Variants in GKAP1 observed in about 807,000 individuals in gnomAD.
GKAP1 encodes the protein G kinase-anchoring protein 1.
A neutral mutation model predicts 56.7 loss-of-function variants in GKAP1; 31 were observed. The observed-to-expected ratio is 0.55, with a 90% CI of 0.41 to 0.74. The LOEUF is 0.74. GKAP1 is among the 30% of genes least tolerant of loss of function. The pLI is 0.00. For synonymous variants in GKAP1, 151 were observed against 138.6 expected, an observed-to-expected ratio of 1.09 and a Z score of -0.63; for missense variants, 364 against 402.3, an observed-to-expected ratio of 0.90 and a Z score of 0.82.
intron 2 of GKAP1, among the ~76,000 whole-genome samples, chr9:83,814,589 C>G (rs556176684): frequency 6.6e-6 from 1 of 152,312 alleles, no homozygotes; most frequent in South Asian, 2.1e-4. Flanking sequence ...GAGTTTCTAT[C>G]CCTTACAAAT....
chr9:83,766,346 T>C (rs895303067), intron 8 of GKAP1, among the ~76,000 whole-genome samples: 1 of 152,178 alleles, frequency 6.6e-6, no homozygotes, highest in African/African-American at 2.4e-5. Flanking sequence ...AGCATGAGAA[T>C]GGACTAATAC....
chr9:83,793,580 G>A (rs78330538), intron 4 of GKAP1, among the ~76,000 whole-genome samples: 1,547 of 152,188 alleles, frequency 0.01, 26 homozygotes, highest in African/African-American at 0.035. Context: ...TATTTTTGTT[G>A]TATGCTTTAT....
chr9:83,778,640 C>G (rs1182909280), intron 7 of GKAP1, among the ~76,000 whole-genome samples: 2 of 151,888 alleles, frequency 1.3e-5, no homozygotes, highest in African/African-American at 4.8e-5. Flanking sequence ...TAACAAACCA[C>G]CGTGACCAAA....
intron 3 of GKAP1, among the ~76,000 whole-genome samples, chr9:83,801,661 G>T (rs970874761): frequency 6.6e-6 from 1 of 152,188 alleles, no homozygotes; most frequent in Admixed American, 6.5e-5. Context: ...AAGGCTTATA[G>T]AACTGCAAAT....
chr9:83,762,594 A>C (rs1226121502), intron 8 of GKAP1, among the ~76,000 whole-genome samples: 1 of 152,170 alleles, frequency 6.6e-6, no homozygotes, highest in Non-Finnish European at 1.5e-5. Context: ...CTAGCCAAAG[A>C]TATCTTAAGC....
chr9:83,755,927 C>T (rs1943467590), intron 8 of GKAP1, among the ~76,000 whole-genome samples: 1 of 151,428 alleles, frequency 6.6e-6, no homozygotes, highest in Admixed American at 6.6e-5. Flanking sequence ...GCCTCAGTCT[C>T]CCAAGTAGCT....
intron 8 of GKAP1, among the ~76,000 whole-genome samples, chr9:83,755,906 G>C (rs1943467128): frequency 6.7e-6 from 1 of 149,612 alleles, no homozygotes; most frequent in African/African-American, 2.5e-5. Context: ...CCAGGTTCAA[G>C]TGATTCTCCT....
chr9:83,799,458 C>CA (rs1446531122), intron 3 of GKAP1, 130 bp from the exon 4 acceptor site: 1 of 619,520 alleles, frequency 1.6e-6, no homozygotes, highest in Non-Finnish European at 2.7e-6. Flanking sequence ...CTAACTCACA[C>CA]AGCTAAAGTT....
chr9:83,761,962 A>G (rs1943579947), intron 8 of GKAP1, among the ~76,000 whole-genome samples: 1 of 149,962 alleles, frequency 6.7e-6, no homozygotes, highest in Admixed American at 6.8e-5. Context: ...CTGGATGGGG[A>G]AAAACTGAAA....
intron 9 of GKAP1, 129 bp downstream of exon 9, chr9:83,753,129 T>G (rs1943420888): frequency 3.4e-6 from 2 of 596,002 alleles, no homozygotes; most frequent in African/African-American, 1.9e-5. Flanking sequence ...CATTAAAGAG[T>G]TTAAGAACAT....
chr9:83,746,720 A>C (rs1430303080), intron 10 of GKAP1, among the ~76,000 whole-genome samples: 2 of 104,108 alleles, frequency 1.9e-5, no homozygotes, highest in Non-Finnish European at 4.6e-5. Flanking sequence ...AATAAATAAC[A>C]ATTTAAAAAA....
At chr9:83,776,892 C>T (rs923350971) in intron 7 of GKAP1, among the ~76,000 whole-genome samples, 30 of 150,494 alleles carry the variant, frequency 2.0e-4, no homozygotes, top group African/African-American at 5.8e-4. Flanking sequence ...TATTTGTCCA[C>T]GCTCATAATC....
chr9:83,799,241 C>T lies in GKAP1; in HGVS notation c.304G>A (p.Val102Ile). 1.2e-6 allele frequency: 2 copies of T among 1,611,712 alleles called. No individual in the cohort carries two copies. Among genetic ancestry groups the T allele is most frequent in the Non-Finnish European group, 1.7e-6 (2 of 1,179,218 alleles). ...TTTTCTTCTCGTGAATCCTTCTGTA[C>T]TGGGTTTGACAATGGAAGATCATGT... ...AQHDLPLSNP[V>I]QKDSREENWQ... The change falls in exon 4 of 13, where the codon GTA (valine) becomes ATA (isoleucine). Residue 102 changes from valine (V) to isoleucine (I), a missense_variant. By Grantham distance (29) the Val-to-Ile change is conservative (BLOSUM62 3). Transcript: ENST00000376371.
At position 83,753,268 on chromosome 9, in the gene GKAP1, G is replaced by A. The variant is rs975861686; in HGVS notation, c.830C>T (p.Thr277Ile). Residue 277 changes from threonine (T) to isoleucine (I), a missense_variant, in exon 9 of 13, where the codon ACT becomes ATT. Transcript: ENST00000376371. ...AEIQKLKNVI[T>I]QWEAKYKEVK... ...TAAATGGACACAAACCTCCCATTGA[G>A]TGATTACATTTTTCAGCTTCTGGAT... The A allele has an allele frequency of 6.3e-7, 1 of 1,590,030 alleles. No homozygotes were observed. Among genetic ancestry groups the A allele is most frequent in the Admixed American group, 1.7e-5 (1 of 59,836 alleles).
At chr9:83,743,371 G>A (rs1423308654) in intron 10 of GKAP1, among the ~76,000 whole-genome samples, 10 of 151,952 alleles carry the variant, frequency 6.6e-5, no homozygotes, top group Non-Finnish European at 1.3e-4. Flanking sequence ...GAGGCAGGCA[G>A]ATCACCTGAG....
chr9:83,788,667 T>C lies in GKAP1; in HGVS notation c.372A>G (p.Glu124=), dbSNP rs1218154558. ...WRQRDEQLTS[E]MFEADLEKAL... Reference sequence around the variant, plus strand: ...CCTTCTCAAGATCTGCTTCAAACATTTCAGATGTCAGCTACAAAAAAAAAG... The same window carrying C: ...CCTTCTCAAGATCTGCTTCAAACATCTCAGATGTCAGCTACAAAAAAAAAG... The change falls in exon 5 of 13, where the codon GAA becomes GAG. Residue 124 remains glutamate (E), a synonymous_variant. Transcript: ENST00000376371. The C allele has an allele frequency of 6.2e-7, 1 of 1,603,854 alleles. No homozygotes were observed. The highest frequency in any genetic ancestry group is 1.7e-5 in the Admixed American group (1 of 59,306).
At chr9:83,746,712 T>C (rs1943301280) in intron 10 of GKAP1, among the ~76,000 whole-genome samples, 1 of 112,178 alleles carries the variant, frequency 8.9e-6, no homozygotes, top group African/African-American at 2.8e-5. Context: ...AATAAATAAA[T>C]AAATAACAAT....
chr9:83,817,685 CT>C lies in GKAP1; in HGVS notation c.-345del, dbSNP rs1282198451. On this transcript the variant is annotated 5_prime_UTR_variant, in exon 1 of 13. Transcript: ENST00000376371. ...GCGGGGGTCGCGGTCGGCCCACAGG[CT>C]GGGCACTAACGGGTCCCGGGGCGCC... is the stretch of plus-strand genomic sequence containing the variant. 2.6e-5 allele frequency: 4 copies of C among 151,354 alleles called. No homozygotes were observed. In the East Asian group the frequency reaches 7.9e-4, roughly 30 times the overall value. 9.4% of individuals were successfully genotyped at this position (151,354 alleles called of 1,614,324 possible). A position where few individuals can be genotyped will look rare whatever the true frequency, so the allele number is the denominator to read the frequency against.
chr9:83,773,708 C>T (rs1023347025), intron 7 of GKAP1, among the ~76,000 whole-genome samples: 1 of 152,182 alleles, frequency 6.6e-6, no homozygotes, highest in South Asian at 2.1e-4. Flanking sequence ...AGATGCATCA[C>T]TAAATAATAT....
Sources: gnomAD v4.1 joint callset for allele counts (sites outside exome capture counted in the v4.1 genomes callset) on GRCh38, gnomAD v4.1.1 for gene constraint, MANE v1.5 for transcripts, NCBI Gene and HGNC (gene_info 2026-07-23, HGNC 2026-07-21) for gene names.